The following DAAM1 variants were observed in gnomAD, a reference collection of about 807,000 sequenced individuals.
DAAM1 encodes dishevelled associated activator of morphogenesis 1, also known as disheveled-associated activator of morphogenesis 1.
DAAM1 carries 52 observed loss-of-function variants against 130.0 expected under a neutral mutation model. That is an observed-to-expected ratio of 0.40 (90% confidence interval 0.32 to 0.50). DAAM1 has a LOEUF of 0.50. Among genes scored for constraint, DAAM1 ranks in the 20% least tolerant of loss-of-function variants. DAAM1 has a pLI of 0.61. For missense variants in DAAM1, 1,134 were observed against 1,303.8 expected (o/e 0.87, Z 2.01); for synonymous variants, 452 against 444.5 (o/e 1.02, Z -0.21).
At position 59,322,940 on chromosome 14, in the gene DAAM1, C is replaced by A. The variant is rs138885144; in HGVS notation, c.489C>A (p.Asn163Lys). 1 of 1,614,066 alleles carries A rather than the reference C, an allele frequency of 6.2e-7. No homozygotes were observed. The highest frequency in any genetic ancestry group is 1.7e-5 in the Admixed American group (1 of 60,012). ...IDLDGLSCIL[N>K]FLKTMDYETS... ...TGGATGGCCTATCATGTATCCTCAACTTTCTAAAGACCATGGACTACGAGA... is the reference window on the plus strand; with the variant it reads ...TGGATGGCCTATCATGTATCCTCAAATTTCTAAAGACCATGGACTACGAGA... Residue 163 changes from asparagine (N) to lysine (K), a missense_variant, in exon 6 of 25, where the codon AAC becomes AAA. By Grantham distance (94) the Asn-to-Lys change is moderately conservative. Around this residue, in one of 3 missense-constraint regions of DAAM1, gnomAD observed 391 missense variants for 521.6 expected, o/e 0.75. Coordinates refer to ENST00000360909, the MANE Select transcript of DAAM1 (RefSeq NM_001270520.2).
intron 2 of DAAM1, chr14:59,266,054 T>C (rs1207978359): frequency 6.6e-6 from 1 of 152,076 alleles, no homozygotes; most frequent in Non-Finnish European, 1.5e-5. Flanking sequence ...GTGAATCATC[T>C]ACCAAGACAG....
At chr14:59,203,931 A>T (rs2139398815) in intron 1 of DAAM1, among the ~76,000 whole-genome samples, 1 of 152,372 alleles carries the variant, frequency 6.6e-6, no homozygotes, top group African/African-American at 2.4e-5. Flanking sequence ...AACAGGGATT[A>T]TGTAGCTCAA....
chr14:59,211,074 G>A (rs946251081), intron 1 of DAAM1, among the ~76,000 whole-genome samples: 3 of 152,138 alleles, frequency 2.0e-5, no homozygotes, highest in African/African-American at 7.2e-5. Context: ...AACCAATATT[G>A]TAGGAGAAAT....
At chr14:59,282,629 G>A (rs1328519315) in intron 2 of DAAM1, among the ~76,000 whole-genome samples, 1 of 152,148 alleles carries the variant, frequency 6.6e-6, no homozygotes, top group Non-Finnish European at 1.5e-5. Context: ...AACATGGGCT[G>A]TGTAACCAGA....
intron 19 of DAAM1, 43 bp from the exon 20 acceptor site, chr14:59,355,122 C>G: frequency 1.9e-6 from 3 of 1,588,032 alleles, no homozygotes; most frequent in Non-Finnish European, 2.6e-6. Flanking sequence ...TTTCAAACAA[C>G]GAAACACTTG....
chr14:59,326,109 C>G, intron 10 of DAAM1, 32 bp downstream of exon 10: 2 of 1,593,080 alleles, frequency 1.3e-6, no homozygotes, highest in Non-Finnish European at 1.7e-6. Context: ...ATGTGTGCTT[C>G]TGAATGTTTG....
chr14:59,322,070 TATAAG>T (rs1753515634), intron 5 of DAAM1, among the ~76,000 whole-genome samples: 2 of 152,318 alleles, frequency 1.3e-5, no homozygotes, highest in African/African-American at 2.4e-5. Context: ...TAGCATGTCA[TATAAG>T]AGAAGAATTT....
intron 1 of DAAM1, among the ~76,000 whole-genome samples, chr14:59,247,915 T>C (rs565028717): frequency 6.6e-6 from 1 of 152,326 alleles, no homozygotes; most frequent in African/African-American, 2.4e-5. Context: ...TTGTTACTCC[T>C]TTAACATACC....
intron 24 of DAAM1, 135 bp from the exon 25 acceptor site, chr14:59,368,515 A>C: frequency 1.1e-6 from 1 of 869,712 alleles, no homozygotes. Flanking sequence ...CTTTCTTGTG[A>C]TATCCAAAGG....
At chr14:59,260,863 G>A (rs907644910) in intron 1 of DAAM1, among the ~76,000 whole-genome samples, 2 of 152,206 alleles carry the variant, frequency 1.3e-5, no homozygotes, top group Admixed American at 6.5e-5. Context: ...AAAGGCAAGA[G>A]CGAGAAGGAA....
chr14:59,190,150 C>T (rs746615214), intron 1 of DAAM1, among the ~76,000 whole-genome samples: 1 of 152,052 alleles, frequency 6.6e-6, no homozygotes, highest in Admixed American at 6.5e-5. Flanking sequence ...TCGCCCTGGC[C>T]CAGCTGCTCT....
At chr14:59,260,527 A>G (rs1193952934) in intron 1 of DAAM1, among the ~76,000 whole-genome samples, 1 of 152,118 alleles carries the variant, frequency 6.6e-6, no homozygotes, top group Non-Finnish European at 1.5e-5. Context: ...TTATTTTACA[A>G]AGGGCTGCTT....
chr14:59,297,460 A>G (rs531484234), intron 3 of DAAM1, among the ~76,000 whole-genome samples: 6 of 152,328 alleles, frequency 3.9e-5, no homozygotes, highest in African/African-American at 1.4e-4. Context: ...GCTACACTAT[A>G]GCCATAGTCA....
intron 21 of DAAM1, 49 bp from the exon 22 acceptor site, chr14:59,360,753 A>G: frequency 6.6e-7 from 1 of 1,513,678 alleles, no homozygotes; most frequent in Non-Finnish European, 9.0e-7. Context: ...CTTATATTTA[A>G]TATGTGTAAG....
chr14:59,263,501 A>G lies in DAAM1; in HGVS notation c.24A>G (p.Gly8=). The stretch of plus-strand genomic sequence containing the variant: ...CCATGGCCCCAAGAAAGAGAGGTGG[A>G]CGAGGTATTTCATTCATCTTTTGCT... MAPRKRG[G]RGISFIFCCF... The change falls in exon 2 of 25, where the codon GGA becomes GGG. Residue 8 remains glycine (G), a synonymous_variant. Transcript: ENST00000360909. 1 of 1,614,250 alleles carries G rather than the reference A, an allele frequency of 6.2e-7. No individual in the cohort carries two copies. Among genetic ancestry groups the G allele is most frequent in the Non-Finnish European group, 8.5e-7 (1 of 1,180,036 alleles).
intron 22 of DAAM1, chr14:59,363,174 C>T (rs894175162): frequency 3.8e-5 from 6 of 158,394 alleles, no homozygotes; most frequent in African/African-American, 1.4e-4. Context: ...AATGCTACAG[C>T]CAAAATTCTA....
At chr14:59,197,483 G>C (rs1370805512) in intron 1 of DAAM1, among the ~76,000 whole-genome samples, 4 of 152,124 alleles carry the variant, frequency 2.6e-5, no homozygotes, top group African/African-American at 9.7e-5. Flanking sequence ...AAATGAACAG[G>C]CCTGCTATTA....
intron 15 of DAAM1, 92 bp downstream of exon 15, chr14:59,332,012 C>A: frequency 1.8e-6 from 2 of 1,094,036 alleles, no homozygotes; most frequent in South Asian, 1.4e-5. Flanking sequence ...GTGATGTGAC[C>A]GGCATATGAA....
At chr14:59,215,999 C>T (rs1252536018) in intron 1 of DAAM1, among the ~76,000 whole-genome samples, 1 of 152,126 alleles carries the variant, frequency 6.6e-6, no homozygotes, top group African/African-American at 2.4e-5. Context: ...GGGTAGATTT[C>T]CATTCCATTC....
Sources: gnomAD v4.1 joint callset for allele counts (sites outside exome capture counted in the v4.1 genomes callset) on GRCh38, gnomAD v4.1.1 for gene constraint, gnomAD v4.1.1 regional missense constraint, MANE v1.5 for transcripts, NCBI Gene and HGNC (gene_info 2026-07-23, HGNC 2026-07-21) for gene names.